The following ADGRV1 variants were observed in gnomAD, a reference collection of about 807,000 sequenced individuals.
ADGRV1 encodes the protein G-protein coupled receptor 98.
In ADGRV1, 359 loss-of-function variants were observed where a neutral mutation model predicts 596.2. The observed-to-expected ratio is 0.60, with a 90% CI of 0.55 to 0.66. The LOEUF (loss-of-function observed/expected upper bound fraction) is 0.66, where lower values mean the gene tolerates loss of function less well. Ranked by LOEUF, ADGRV1 falls within the 30% of genes least tolerant of loss-of-function variation. The pLI is 0.00. For synonymous variants in ADGRV1, 2,681 were observed against 2,679.2 expected, an observed-to-expected ratio of 1.00 and a Z score of -0.02; for missense variants, 7,274 against 7,575.6, an observed-to-expected ratio of 0.96 and a Z score of 1.48.
chr5:90,790,936 T>C lies in ADGRV1; in HGVS notation c.14107T>C (p.Phe4703Leu). The change falls in exon 70 of 90, where the codon TTC becomes CTC. Residue 4703 changes from phenylalanine to leucine, a missense_variant. Phe to Leu is a conservative substitution (Grantham distance 22, BLOSUM62 0). Coordinates refer to ENST00000405460, the MANE Select transcript of ADGRV1 (RefSeq NM_032119.4). ...TEDFLSTSGF[F>L]TIADGESEAS... is the part of the protein sequence containing the mutation. The stretch of plus-strand genomic sequence containing the variant: ...AGACTTTCTTTCCACCAGTGGATTT[T>C]TCACCATTGCTGATGGAGAGAGTGA... 1 of 1,612,532 alleles carries C rather than the reference T, an allele frequency of 6.2e-7. No homozygotes were observed.
rs755633254 is a variant in ADGRV1, at chr5:90,939,424, C to G, written c.17857-25991C>G. On this transcript the variant is annotated intron_variant, in intron 83 of 89. Coordinates refer to ENST00000405460, the MANE Select transcript of ADGRV1 (RefSeq NM_032119.4). The stretch of plus-strand genomic sequence containing the variant: ...TGAGTTCATTATTCAAATACCAGCG[C>G]CTAACAGATGGAACACTAAACTGAA... 9.2e-5 allele frequency among the ~76,000 whole-genome samples: 14 copies of G among 152,236 alleles called. No individual in the cohort carries two copies. In the South Asian group the frequency reaches 2.5e-3, roughly 27 times the overall value.
At chr5:90,632,743 A>C (rs1765658802) in intron 9 of ADGRV1, among the ~76,000 whole-genome samples, 1 of 152,194 alleles carries the variant, frequency 6.6e-6, no homozygotes, top group Non-Finnish European at 1.5e-5. Flanking sequence ...CTGGGTTAGA[A>C]AGTTGCACCA....
At chr5:90,610,843 C>T (rs1762648172) in intron 1 of ADGRV1, among the ~76,000 whole-genome samples, 1 of 151,984 alleles carries the variant, frequency 6.6e-6, no homozygotes, top group Non-Finnish European at 1.5e-5. Flanking sequence ...AGAGCTTAAG[C>T]TTGATTATCA....
intron 83 of ADGRV1, among the ~76,000 whole-genome samples, chr5:90,880,578 C>T (rs1769665117): frequency 6.6e-6 from 1 of 152,172 alleles, no homozygotes. Flanking sequence ...AAAGCAGATT[C>T]AGATCAGCCT....
intron 83 of ADGRV1, among the ~76,000 whole-genome samples, chr5:90,892,798 T>C (rs1242012046): frequency 6.6e-6 from 1 of 152,178 alleles, no homozygotes; most frequent in African/African-American, 2.4e-5. Flanking sequence ...CAGTTTGTAA[T>C]AGAGTGATAT....
At chr5:90,638,781 T>C (rs1352769505) in intron 11 of ADGRV1, among the ~76,000 whole-genome samples, 1 of 152,130 alleles carries the variant, frequency 6.6e-6, no homozygotes, top group Non-Finnish European at 1.5e-5. Context: ...AGGACTAAAG[T>C]AGTAAGTTAT....
chr5:90,692,574 G>A (rs780288543), intron 31 of ADGRV1, 31 bp from the exon 32 acceptor site: 2 of 1,528,198 alleles, frequency 1.3e-6, no homozygotes, highest in African/African-American at 1.4e-5. Context: ...GAACTGTGAT[G>A]CTGTTAAGGA....
At chr5:90,905,575 T>C (rs1448020517) in intron 83 of ADGRV1, among the ~76,000 whole-genome samples, 3 of 152,154 alleles carry the variant, frequency 2.0e-5, no homozygotes, top group Non-Finnish European at 4.4e-5. Flanking sequence ...TTTTGTATGA[T>C]GATTTTGTAC....
At chr5:90,623,206 G>A (rs1764319574) in intron 5 of ADGRV1, among the ~76,000 whole-genome samples, 1 of 152,122 alleles carries the variant, frequency 6.6e-6, no homozygotes, top group African/African-American at 2.4e-5. Flanking sequence ...TTTCCTTGCT[G>A]CTTGTGTATA....
rs369549134 is a variant in ADGRV1, at chr5:90,674,183, C to T, written c.5059C>T (p.Pro1687Ser). ...STPTSGASID[P>S]EKETTDITIK... ...TCCTACCAGTGGTGCAAGCATAGAT[C>T]CTGAAAAGGAAACGACTGATATCAC... The change falls in exon 23 of 90, where the codon CCT (proline) becomes TCT (serine). Residue 1687 changes from proline to serine, a missense_variant. Physicochemically the swap from Pro to Ser is moderately conservative, Grantham distance 74. Around this residue, in one of 5 missense-constraint regions of ADGRV1, gnomAD observed 3,643 missense variants for 3,809.2 expected, o/e 0.96. Coordinates refer to ENST00000405460, the MANE Select transcript of ADGRV1 (RefSeq NM_032119.4). The T allele has an allele frequency of 2.1e-5, 34 of 1,612,372 alleles. No individual in the cohort carries two copies. The highest frequency in any genetic ancestry group is 2.5e-5 in the Non-Finnish European group (30 of 1,179,316).
Position 90,692,729 on chromosome 5 carries a change from A to T in ADGRV1, c.7076A>T (p.Tyr2359Phe), listed in dbSNP as rs1644038193. The T allele has an allele frequency of 1.2e-6, 2 of 1,609,030 alleles. No individual in the cohort carries two copies. The highest frequency in any genetic ancestry group is 1.7e-6 in the Non-Finnish European group (2 of 1,177,700). ...YGTVAFAQMV[Y>F]RVQEPLERSS... is the part of the protein sequence containing the mutation. ...ACAGTAGCCTTTGCTCAGATGGTTTATCGTGTTCAAGAGCCTCTGGAAAGA... is the reference window on the plus strand; with the variant it reads ...ACAGTAGCCTTTGCTCAGATGGTTTTTCGTGTTCAAGAGCCTCTGGAAAGA... The change falls in exon 32 of 90, where the codon TAT becomes TTT. Residue 2359 changes from tyrosine to phenylalanine, a missense_variant. By Grantham distance (22) the Tyr-to-Phe change is conservative. Around this residue, in one of 5 missense-constraint regions of ADGRV1, gnomAD observed 3,643 missense variants for 3,809.2 expected, o/e 0.96. Transcript: ENST00000405460.
chr5:90,580,336 G>C (rs1392015901), intron 1 of ADGRV1, among the ~76,000 whole-genome samples: 1 of 152,182 alleles, frequency 6.6e-6, no homozygotes, highest in African/African-American at 2.4e-5. Flanking sequence ...GCATTTGCTT[G>C]TCTGTAAAAC....
intron 52 of ADGRV1, among the ~76,000 whole-genome samples, chr5:90,748,938 G>A (rs1343447657): frequency 6.6e-6 from 1 of 151,538 alleles, no homozygotes; most frequent in South Asian, 2.1e-4. Context: ...GGATGAACCT[G>A]TCATTCTGTG....
chr5:90,564,718 C>T (rs1293194658), intron 1 of ADGRV1, among the ~76,000 whole-genome samples: 2 of 38,638 alleles, frequency 5.2e-5, no homozygotes, highest in African/African-American at 3.4e-4. Flanking sequence ...GCTCCGCCTC[C>T]CGGGTTCACG....
intron 89 of ADGRV1, among the ~76,000 whole-genome samples, chr5:91,156,085 G>GT (rs1391533726): frequency 6.6e-6 from 1 of 152,182 alleles, no homozygotes. Context: ...GGAAACTGAT[G>GT]AGTTCAGATG....
At chr5:90,950,944 A>G (rs571078727) in intron 83 of ADGRV1, among the ~76,000 whole-genome samples, 2 of 152,328 alleles carry the variant, frequency 1.3e-5, no homozygotes, top group Non-Finnish European at 2.9e-5. Context: ...ATTTCATATT[A>G]TAGGTCACAA....
chr5:90,720,161 G>A lies in ADGRV1; in HGVS notation c.9561G>A (p.Leu3187=), dbSNP rs771074046. 7 of 1,609,990 alleles carry A rather than the reference G, an allele frequency of 4.3e-6. No homozygotes were observed. Among genetic ancestry groups the A allele is most frequent in the East Asian group, 2.2e-5 (1 of 44,792 alleles). The part of the protein sequence containing the change: ...GARLGVHVQT[L]ITVLQNQAPL... ...GACTAGGGGTGCATGTTCAAACCCT[G>A]ATAACAGTTTTGCAAAACCAGGCCC... Residue 3187 remains leucine, a synonymous_variant, in exon 44 of 90, where the codon CTG becomes CTA. Coordinates refer to ENST00000405460, the MANE Select transcript of ADGRV1 (RefSeq NM_032119.4).
chr5:90,707,935 C>T (rs927950878), intron 38 of ADGRV1, among the ~76,000 whole-genome samples: 1 of 152,028 alleles, frequency 6.6e-6, no homozygotes, highest in Non-Finnish European at 1.5e-5. Flanking sequence ...TAAGAGTAGG[C>T]ACAGCAGTCC....
intron 89 of ADGRV1, among the ~76,000 whole-genome samples, chr5:91,154,089 G>A (rs1022268089): frequency 2.0e-5 from 3 of 152,146 alleles, no homozygotes; most frequent in Non-Finnish European, 4.4e-5. Context: ...TAAACATAGT[G>A]GATATTTTAT....
Sources: gnomAD v4.1 joint callset for allele counts (sites outside exome capture counted in the v4.1 genomes callset) on GRCh38, gnomAD v4.1.1 for gene constraint, gnomAD v4.1.1 regional missense constraint, MANE v1.5 for transcripts, NCBI Gene and HGNC (gene_info 2026-07-23, HGNC 2026-07-21) for gene names.